Variants in SLC47A2 observed in about 807,000 individuals in gnomAD.
The protein encoded by SLC47A2 is multidrug and toxin extrusion protein 2.
Under a neutral mutation model 67.7 loss-of-function variants are expected in SLC47A2, and 52 were observed. The ratio of observed to expected loss-of-function variants is 0.77; its 90% CI spans 0.61 to 0.97. The LOEUF is 0.97. SLC47A2 is among the 50% of genes least tolerant of loss of function. The pLI, the probability that SLC47A2 is intolerant of heterozygous loss-of-function variation, is 0.00. For synonymous variants in SLC47A2, 278 were observed against 292.9 expected, an observed-to-expected ratio of 0.95 and a Z score of 0.52; for missense variants, 676 against 712.3, an observed-to-expected ratio of 0.95 and a Z score of 0.58.
chr17:19,691,256 A>T (rs756814343), intron 13 of SLC47A2, among the ~76,000 whole-genome samples: 6 of 152,148 alleles, frequency 3.9e-5, no homozygotes, highest in Non-Finnish European at 8.8e-5. Flanking sequence ...CTAGGTATAT[A>T]CTCAAAAGAA....
chr17:19,710,961 C>T (rs2086077706), intron 5 of SLC47A2, among the ~76,000 whole-genome samples: 1 of 151,836 alleles, frequency 6.6e-6, no homozygotes, highest in South Asian at 2.1e-4. Flanking sequence ...AGGCATGCGC[C>T]ACCACACCCG....
At chr17:19,711,104 C>T (rs2086081985) in intron 5 of SLC47A2, among the ~76,000 whole-genome samples, 1 of 152,076 alleles carries the variant, frequency 6.6e-6, no homozygotes, top group African/African-American at 2.4e-5. Context: ...CCACTGCGCC[C>T]AGCTCAAAAT....
At chr17:19,694,320 T>C (rs2152344695) in intron 13 of SLC47A2, among the ~76,000 whole-genome samples, 1 of 152,210 alleles carries the variant, frequency 6.6e-6, no homozygotes, top group East Asian at 1.9e-4. Context: ...TCAAAAGAGT[T>C]TGGGGACAGA....
chr17:19,708,619 A>C (rs976064279), intron 6 of SLC47A2, 97 bp downstream of exon 6: 24 of 1,595,158 alleles, frequency 1.5e-5, no homozygotes, highest in Non-Finnish European at 2.1e-5. Context: ...GCTGGTTCAC[A>C]GATGGTGGAG....
chr17:19,689,449 C>A (rs2085493656), intron 13 of SLC47A2, among the ~76,000 whole-genome samples: 3 of 152,150 alleles, frequency 2.0e-5, no homozygotes, highest in African/African-American at 7.2e-5. Flanking sequence ...GTAATCCTAG[C>A]ACTTTGGGAG....
intron 6 of SLC47A2, 106 bp downstream of exon 6, chr17:19,708,610 C>T: frequency 6.3e-7 from 1 of 1,592,726 alleles, no homozygotes; most frequent in Non-Finnish European, 8.6e-7. Context: ...CTTTCAAGAG[C>T]TGGTTCACAG....
intron 16 of SLC47A2, 23 bp from the exon 17 acceptor site, chr17:19,678,929 A>G: frequency 1.3e-6 from 2 of 1,552,006 alleles, no homozygotes; most frequent in Non-Finnish European, 1.7e-6. Context: ...ACAGGAGCAA[A>G]CTCAGCAGGT....
chr17:19,687,901 T>C (rs1339418519), intron 13 of SLC47A2, among the ~76,000 whole-genome samples: 1 of 152,062 alleles, frequency 6.6e-6, no homozygotes, highest in Non-Finnish European at 1.5e-5. Context: ...TAATCATAAG[T>C]CTCCTAGCAA....
chr17:19,713,012 A>T (rs547357619), intron 4 of SLC47A2, among the ~76,000 whole-genome samples: 28 of 152,348 alleles, frequency 1.8e-4, no homozygotes, highest in African/African-American at 5.8e-4. Context: ...GTTATATCTT[A>T]AAAAGGAATA....
Position 19,711,588 on chromosome 17 carries a change from CAAAAAAAAAAAA to C in SLC47A2, c.486+1103_486+1114del, listed in dbSNP as rs35308426. Among the ~76,000 whole-genome samples the C allele has an allele frequency of 3.3e-4, 11 of 33,006 alleles. 1 individual carries two copies. In the East Asian group the frequency reaches 4.1e-3, roughly 12 times the overall value. The allele number at this position is 33,006 out of a possible 152,430, so 21.7% of individuals were successfully genotyped here. A position where few individuals can be genotyped will look rare whatever the true frequency, so the allele number is the denominator to read the frequency against. On this transcript the variant is annotated intron_variant, in intron 5 of 16. Coordinates refer to ENST00000433844, the MANE Select transcript of SLC47A2 (RefSeq NM_001099646.3). ...TGGATGACAGAGCAAAACTCCGTCT[CAAAAAAAAAAAA>C]AAAAAAAAAAAAAAAAGAAAAGAAA...
Position 19,704,082 on chromosome 17 carries a change from C to G in SLC47A2, c.1006G>C (p.Val336Leu). 1 of 1,608,812 alleles carries G rather than the reference C, an allele frequency of 6.2e-7. No individual in the cohort carries two copies. Among genetic ancestry groups the G allele is most frequent in the Non-Finnish European group, 8.5e-7 (1 of 1,179,114 alleles). ...GGACTCCACCTACCTATGCTGAGCA[C>G]GCCCGAGACGGCCGAGCGCTTGGCC... is the stretch of plus-strand genomic sequence containing the variant. ...VQAKRSAVSGVLSIVGISLVL... is the reference protein window; with the variant it reads ...VQAKRSAVSGLLSIVGISLVL... Residue 336 changes from valine to leucine, a missense_variant, in exon 11 of 17, where the codon GTG becomes CTG. Transcript: ENST00000433844.
intron 13 of SLC47A2, among the ~76,000 whole-genome samples, chr17:19,697,115 C>T (rs1479294911): frequency 6.6e-6 from 1 of 152,052 alleles, no homozygotes; most frequent in Admixed American, 6.5e-5. Context: ...CACGGTGAAA[C>T]CCTGTCTCTA....
At chr17:19,715,747 C>T (rs144554627) in intron 1 of SLC47A2, 1,859 of 109,404 alleles carry the variant, frequency 0.017, 48 homozygotes, top group East Asian at 0.16. Flanking sequence ...GCCCTTGTTG[C>T]CCAGGCTGGA....
At chr17:19,704,580 T>C (rs779075515) in intron 10 of SLC47A2, 1 of 1,383,702 alleles carries the variant, frequency 7.2e-7, no homozygotes. Context: ...AATCTCTAAA[T>C]TGATTTTGTA....
chr17:19,690,711 A>T (rs1214436645), intron 13 of SLC47A2, among the ~76,000 whole-genome samples: 1 of 152,180 alleles, frequency 6.6e-6, no homozygotes, highest in Non-Finnish European at 1.5e-5. Flanking sequence ...AACATCACTG[A>T]TCGTTAGAGA....
At chr17:19,718,554 C>G (rs1484108405), upstream of SLC47A2, 1 of 152,302 alleles carries the variant, frequency 6.6e-6, no homozygotes, top group Non-Finnish European at 1.5e-5. Flanking sequence ...GGCCGAGCAT[C>G]TCCAAAATCC....
intron 3 of SLC47A2, 92 bp from the exon 4 acceptor site, chr17:19,714,065 G>A: frequency 1.3e-6 from 2 of 1,497,452 alleles, no homozygotes; most frequent in Non-Finnish European, 1.8e-6. Flanking sequence ...GGCGCCAGCG[G>A]TGTGTGGCGG....
rs2086220234 is a variant in SLC47A2, at chr17:19,715,204, A to C, written c.137T>G (p.Val46Gly). ...CACGATGTAGATCATAAAAGTCAGC[A>C]CCTGGAACAGGAACTGGAGGACAGC... is the stretch of plus-strand genomic sequence containing the variant. ...ALSGPLFLFQ[V>G]LTFMIYIVST... Residue 46 changes from valine (V) to glycine (G), a missense_variant, in exon 2 of 17, where the codon GTG becomes GGG. Coordinates refer to ENST00000433844, the MANE Select transcript of SLC47A2 (RefSeq NM_001099646.3). 1 of 1,610,368 alleles carries C rather than the reference A, an allele frequency of 6.2e-7. No individual in the cohort carries two copies. Among genetic ancestry groups the C allele is most frequent in the South Asian group, 1.1e-5 (1 of 91,092 alleles).
At chr17:19,697,140 A>T (rs1482742049) in intron 13 of SLC47A2, among the ~76,000 whole-genome samples, 2 of 151,948 alleles carry the variant, frequency 1.3e-5, no homozygotes, top group Non-Finnish European at 2.9e-5. Context: ...AAATAAAAAT[A>T]AAAAAAATTA....
Sources: allele counts gnomAD v4.1 joint callset (sites outside exome capture counted in the v4.1 genomes callset), GRCh38; gene constraint gnomAD v4.1.1; transcripts MANE v1.5; gene names NCBI Gene and HGNC (gene_info 2026-07-23, HGNC 2026-07-21).